Variants in TENM2 observed in about 807,000 individuals in gnomAD.
TENM2 encodes the protein teneurin-2.
TENM2 carries 52 observed loss-of-function variants against 245.2 expected under a neutral mutation model. The ratio of observed to expected loss-of-function variants is 0.21; its 90% CI spans 0.17 to 0.27. The LOEUF (loss-of-function observed/expected upper bound fraction) is 0.27. Ranked by LOEUF, TENM2 falls within the 10% of genes least tolerant of loss-of-function variation. TENM2 has a pLI of 1.00. For synonymous variants in TENM2, 1,363 were observed against 1,438.9 expected (o/e 0.95, Z 1.19); for missense variants, 3,046 against 3,666.8 (o/e 0.83, Z 4.37).
the TENM2 span, among the ~76,000 whole-genome samples, chr5:167,133,606 C>T: frequency 7.9e-6 from 1 of 126,426 alleles, no homozygotes; most frequent in Non-Finnish European, 1.6e-5. Flanking sequence ...TGTTTAAAGG[C>T]ACTCAAACTT....
chr5:167,066,540 C>A, the TENM2 span, among the ~76,000 whole-genome samples: 2 of 146,664 alleles, frequency 1.4e-5, no homozygotes, highest in Non-Finnish European at 3.0e-5. Flanking sequence ...CCTCCCCCCT[C>A]CCCACAACAG....
chr5:167,700,228 C>T (rs1693246113), intron 2 of TENM2, among the ~76,000 whole-genome samples: 1 of 152,166 alleles, frequency 6.6e-6, no homozygotes, highest in Non-Finnish European at 1.5e-5. Flanking sequence ...AAAGTACTTC[C>T]TTTAAAGTCC....
intron 2 of TENM2, among the ~76,000 whole-genome samples, chr5:167,804,479 C>A (rs550010143): frequency 1.5e-4 from 23 of 152,164 alleles, no homozygotes; most frequent in African/African-American, 5.3e-4. Flanking sequence ...TAGTTGCCAG[C>A]AAATTGGAAC....
At chr5:167,969,025 A>G (rs1442863337) in intron 4 of TENM2, among the ~76,000 whole-genome samples, 3 of 152,182 alleles carry the variant, frequency 2.0e-5, no homozygotes, top group Non-Finnish European at 4.4e-5. Flanking sequence ...GAAACCACGG[A>G]CCACTCCTTT....
chr5:167,241,605 G>A, the TENM2 span, among the ~76,000 whole-genome samples: 6 of 152,110 alleles, frequency 3.9e-5, no homozygotes, highest in Admixed American at 3.9e-4. Context: ...TCAAGAGAAG[G>A]GTGCTTCACA....
the TENM2 span, among the ~76,000 whole-genome samples, chr5:167,257,463 T>C: frequency 1.3e-5 from 2 of 152,098 alleles, no homozygotes; most frequent in African/African-American, 2.4e-5. Flanking sequence ...GGGTATATCC[T>C]AATTCCTTTT....
chr5:167,359,466 G>A (rs532666717), intron 1 of TENM2, among the ~76,000 whole-genome samples: 1 of 151,938 alleles, frequency 6.6e-6, no homozygotes, highest in Non-Finnish European at 1.5e-5. Context: ...TCCTGGATCA[G>A]ATTATTCAAA....
intron 2 of TENM2, among the ~76,000 whole-genome samples, chr5:167,689,730 C>T (rs1757298347): frequency 6.6e-6 from 1 of 152,138 alleles, no homozygotes; most frequent in Admixed American, 6.5e-5. Context: ...GAGTCCTGAA[C>T]ACTGTTCTTA....
At chr5:167,962,717 G>A (rs1027447576) in intron 4 of TENM2, among the ~76,000 whole-genome samples, 6 of 152,128 alleles carry the variant, frequency 3.9e-5, no homozygotes, top group Admixed American at 1.3e-4. Flanking sequence ...CAACTGCTGA[G>A]CAAAAGGGGT....
chr5:168,165,370 A>G (rs1758125417), intron 13 of TENM2, among the ~76,000 whole-genome samples: 1 of 152,188 alleles, frequency 6.6e-6, no homozygotes. Flanking sequence ...ACTTCCAGAA[A>G]GGAGCTGCTC....
intron 3 of TENM2, among the ~76,000 whole-genome samples, chr5:167,888,673 G>A (rs1286848932): frequency 1.3e-5 from 2 of 152,150 alleles, no homozygotes; most frequent in African/African-American, 4.8e-5. Context: ...GTTAAACATA[G>A]AAAAACTGTT....
intron 13 of TENM2, among the ~76,000 whole-genome samples, chr5:168,185,730 A>C (rs1760328182): frequency 6.6e-6 from 1 of 151,704 alleles, no homozygotes. Context: ...CACTGTTTGG[A>C]AATTAAGTAT....
intron 2 of TENM2, among the ~76,000 whole-genome samples, chr5:167,692,145 G>T (rs1371876587): frequency 6.6e-6 from 1 of 151,902 alleles, no homozygotes; most frequent in Non-Finnish European, 1.5e-5. Context: ...GCTTAGTGCT[G>T]GTCTCCCCTC....
chr5:168,199,871 A>G, exon 17 of TENM2: 1 of 1,613,716 alleles, frequency 6.2e-7, no homozygotes, highest in Admixed American at 1.7e-5. Flanking sequence ...CAGGTTCTTC[A>G]TGAAGAAATC....
intron 12 of TENM2, among the ~76,000 whole-genome samples, chr5:168,152,289 T>C (rs1756719262): frequency 6.6e-6 from 1 of 152,216 alleles, no homozygotes; most frequent in Non-Finnish European, 1.5e-5. Flanking sequence ...CTGGGGCAGA[T>C]TCTTTGCCTA....
chr5:167,063,249 C>T, the TENM2 span, among the ~76,000 whole-genome samples: 1 of 152,146 alleles, frequency 6.6e-6, no homozygotes, highest in African/African-American at 2.4e-5. Context: ...GTGTCAGGCA[C>T]GGAGTAGACA....
chr5:167,947,007 ACT>A (rs1275244268), intron 3 of TENM2, among the ~76,000 whole-genome samples: 1 of 149,476 alleles, frequency 6.7e-6, no homozygotes, highest in African/African-American at 2.5e-5. Flanking sequence ...TTACAGAGAC[ACT>A]CTTGAGACTA....
At chr5:168,191,806 C>T (rs192286401) in intron 14 of TENM2, among the ~76,000 whole-genome samples, 29 of 152,170 alleles carry the variant, frequency 1.9e-4, no homozygotes, top group African/African-American at 7.0e-4. Context: ...CATCGGTCCC[C>T]AACCGAGACA....
At chr5:168,030,721 T>C (rs371747847) in intron 5 of TENM2, among the ~76,000 whole-genome samples, 5 of 152,244 alleles carry the variant, frequency 3.3e-5, no homozygotes, top group East Asian at 3.8e-4. Context: ...TCTATGAAGC[T>C]ACACAAGGCT....
Sources: gnomAD v4.1 joint callset for allele counts (sites outside exome capture counted in the v4.1 genomes callset) on GRCh38, gnomAD v4.1.1 for gene constraint, MANE v1.5 for transcripts, NCBI Gene and HGNC (gene_info 2026-07-23, HGNC 2026-07-21) for gene names.